The following SLC4A2 variants were observed in gnomAD, a reference collection of about 807,000 sequenced individuals.
The protein encoded by SLC4A2 is anion exchange protein 2.
A neutral mutation model predicts 115.0 loss-of-function variants in SLC4A2; 36 were observed. The observed-to-expected ratio is 0.31, with a 90% CI of 0.24 to 0.41. The LOEUF (loss-of-function observed/expected upper bound fraction) is 0.41, where lower values mean the gene tolerates loss of function less well. Ranked by LOEUF, SLC4A2 falls within the 10% of genes least tolerant of loss-of-function variation. The probability of loss-of-function intolerance (pLI) is 1.00; values close to 1 mark genes in which losing one functional copy is unlikely to be tolerated. For missense variants in SLC4A2, 1,252 were observed against 1,705.6 expected (o/e 0.73, Z 4.68); for synonymous variants, 708 against 708.3 (o/e 1.00, Z 0.01).
intron 2 of SLC4A2, chr7:151,062,640 A>C: frequency 6.6e-7 from 1 of 1,523,424 alleles, no homozygotes; most frequent in East Asian, 2.5e-5. Flanking sequence ...CCTGCCGGCC[A>C]TGGACTTCCT....
rs776392850 is a variant in SLC4A2 at position 151,075,336 on chromosome 7, C to G, written c.3129C>G (p.Gly1043=). Residue 1043 remains glycine, a synonymous_variant, in exon 20 of 23, where the codon GGC becomes GGG. Coordinates refer to ENST00000413384, the MANE Select transcript of SLC4A2 (RefSeq NM_003040.4). ...ACCTGCTGCTCATCGTGGCCATGGG[C>G]GGCATCTGTGCCCTCTTTGGCCTGC... ...HLDLLLIVAM[G]GICALFGLPW... is the part of the protein sequence containing the mutation. 6.2e-7 allele frequency: 1 copy of G among 1,613,194 alleles called. No homozygotes were observed. Among genetic ancestry groups the G allele is most frequent in the Admixed American group, 1.7e-5 (1 of 60,034 alleles).
chr7:151,072,310 T>C (rs1315886845), intron 16 of SLC4A2, among the ~76,000 whole-genome samples, 174 bp downstream of exon 16: 1 of 152,182 alleles, frequency 6.6e-6, no homozygotes, highest in African/African-American at 2.4e-5. Context: ...ATTAATTAAT[T>C]TGAGACATTC....
intron 19 of SLC4A2, 170 bp from the exon 20 acceptor site, chr7:151,075,085 G>A: frequency 9.5e-7 from 1 of 1,057,788 alleles, no homozygotes; most frequent in Non-Finnish European, 1.4e-6. Context: ...GACGATAAGG[G>A]CTGGGGGCCC....
intron 21 of SLC4A2, 88 bp downstream of exon 21, chr7:151,075,863 GC>G: frequency 6.9e-7 from 1 of 1,443,708 alleles, no homozygotes; most frequent in Non-Finnish European, 9.4e-7. Flanking sequence ...CCTCCCATCT[GC>G]CCAGTTCAGC....
chr7:151,065,754 C>T (rs753031945), intron 5 of SLC4A2, among the ~76,000 whole-genome samples: 3 of 152,150 alleles, frequency 2.0e-5, no homozygotes, highest in East Asian at 1.9e-4. Context: ...CTGGGGCTTC[C>T]GAGAAAGCCT....
In SLC4A2 at chr7:151,074,183, C is replaced by G. The variant is rs1308191660; in HGVS notation, c.2680C>G (p.Pro894Ala). The part of the protein sequence containing the change: ...SLAGQSGQGK[P>A]RGQPNTALLS... ...GGCTGGGCAGTCTGGGCAGGGGAAG[C>G]CCCGGGGCCAGCCCAACACGGCCCT... is the stretch of plus-strand genomic sequence containing the variant. The change falls in exon 17 of 23, where the codon CCC (proline) becomes GCC (alanine). Residue 894 changes from proline (P) to alanine (A), a missense_variant. This residue lies in a region of SLC4A2 where 55 missense variants were observed against 48.6 expected (regional missense o/e 1.13). Transcript: ENST00000413384. 6.2e-7 allele frequency: 1 copy of G among 1,612,838 alleles called. No individual in the cohort carries two copies. The highest frequency in any genetic ancestry group is 1.3e-5 in the African/African-American group (1 of 74,946).
Position 151,076,451 on chromosome 7 carries a change from CTTTTT to C in SLC4A2, c.*85_*89del. ...GTTCCCCCTCCCATGCCCCTCCCTC[CTTTTT>C]ATTTAAGTGAATAATTTAAAGTCTT... On this transcript the variant is annotated 3_prime_UTR_variant, in exon 23 of 23. Coordinates refer to ENST00000413384, the MANE Select transcript of SLC4A2 (RefSeq NM_003040.4). 1.8e-6 allele frequency: 2 copies of C among 1,099,138 alleles called. No individual in the cohort carries two copies. Among genetic ancestry groups the C allele is most frequent in the Non-Finnish European group, 2.5e-6 (2 of 795,528 alleles). 68.1% of individuals were successfully genotyped at this position (1,099,138 alleles called of 1,614,324 possible).
intron 1 of SLC4A2, 79 bp from the exon 2 acceptor site, chr7:151,061,846 C>T (rs1388602487): frequency 1.4e-5 from 10 of 698,158 alleles, no homozygotes; most frequent in Non-Finnish European, 1.2e-5. Flanking sequence ...CCAGGAGGAT[C>T]CCCAGCAGCG....
Position 151,064,585 on chromosome 7 carries a change from G to A in SLC4A2, c.277G>A (p.Ala93Thr). Reference protein sequence around the residue: ...HPLSTHLPPDARRRKTPQGPG... With the variant: ...HPLSTHLPPDTRRRKTPQGPG... ...ACTGTCCACCCACCTGCCTCCGGAT[G>A]CACGCCGCCGCAAGACACCCCAGGG... The change falls in exon 4 of 23, where the codon GCA (alanine) becomes ACA (threonine). Residue 93 changes from alanine to threonine, a missense_variant. Physicochemically the swap from Ala to Thr is moderately conservative, Grantham distance 58 (BLOSUM62 0). This residue lies in a region of SLC4A2 where 215 missense variants were observed against 205.2 expected (regional missense o/e 1.05). Transcript: ENST00000413384. 1 of 1,612,758 alleles carries A rather than the reference G, an allele frequency of 6.2e-7. No homozygotes were observed. The highest frequency in any genetic ancestry group is 8.5e-7 in the Non-Finnish European group (1 of 1,179,942).
At position 151,064,591 on chromosome 7, in the gene SLC4A2, C is replaced by T. The variant is rs746176171; in HGVS notation, c.283C>T (p.Arg95Cys). 1.1e-5 allele frequency: 18 copies of T among 1,612,972 alleles called. No homozygotes were observed. The East Asian group carries it at 2.5e-4, about 22-fold the overall frequency. ...CACCCACCTGCCTCCGGATGCACGC[C>T]GCCGCAAGACACCCCAGGGCCCAGG... ...LSTHLPPDAR[R>C]RKTPQGPGRK... Residue 95 changes from arginine (R) to cysteine (C), a missense_variant, in exon 4 of 23, where the codon CGC (arginine) becomes TGC (cysteine). Arg to Cys is a radical substitution (Grantham distance 180). Around this residue, in one of 14 missense-constraint regions of SLC4A2, gnomAD observed 215 missense variants for 205.2 expected, o/e 1.05. Coordinates refer to ENST00000413384, the MANE Select transcript of SLC4A2 (RefSeq NM_003040.4).
intron 2 of SLC4A2, chr7:151,063,138 C>G (rs979139560): frequency 7.9e-6 from 12 of 1,518,598 alleles, no homozygotes; most frequent in Non-Finnish European, 9.7e-6. Flanking sequence ...GCGCCGCATT[C>G]CCTGCCGGCT....
Position 151,074,086 on chromosome 7 carries a change from A to C in SLC4A2, c.2583A>C (p.Ser861=), listed in dbSNP as rs747471390. ...ATGGCTGCTCAGCCTCCAACAGCTC[A>C]GAGGTGGACGGCGGTGAGAACATGA... ...PLHGCSASNS[S]EVDGGENMTW... Residue 861 remains serine, a synonymous_variant, in exon 17 of 23, where the codon TCA becomes TCC. Transcript: ENST00000413384. 8.7e-6 allele frequency: 14 copies of C among 1,606,970 alleles called. No homozygotes were observed. The South Asian group carries it at 1.4e-4, about 16-fold the overall frequency.
At position 151,070,454 on chromosome 7, in the gene SLC4A2, CAGCGTGAGCTG is replaced by C. The variant is rs777065365; in HGVS notation, c.1450-2_1458del. ...TGGGCTGAGCCCTGTCTGTGTCCCC[CAGCGTGAGCTG>C]CCGCCTCCAGCACCACCAGCTGGCA... On this transcript the variant is annotated splice_acceptor_variant and coding_sequence_variant, in exon 11 of 23. Coordinates refer to ENST00000413384, the MANE Select transcript of SLC4A2 (RefSeq NM_003040.4). LOFTEE classifies it high-confidence loss of function. 3 of 1,611,526 alleles carry C rather than the reference CAGCGTGAGCTG, an allele frequency of 1.9e-6. No homozygotes were observed.
At chr7:151,063,174 C>G (rs760327004) in intron 2 of SLC4A2, 29 of 1,478,844 alleles carry the variant, frequency 2.0e-5, no homozygotes, top group Non-Finnish European at 2.5e-5. Flanking sequence ...TGCTCCGCGC[C>G]CGCAGGATGA....
chr7:151,066,696 C>A lies in SLC4A2; in HGVS notation c.758C>A (p.Pro253His), dbSNP rs778995423. The stretch of plus-strand genomic sequence containing the variant: ...ACTGGGGCTGAGCAGGCACTGCTGC[C>A]CCGGGTCCCCACGGATGAGATTGAG... ...SMTGAEQALL[P>H]RVPTDEIEAQ... is the part of the protein sequence containing the mutation. Residue 253 changes from proline to histidine, a missense_variant, in exon 6 of 23, where the codon CCC becomes CAC. This residue lies in a region of SLC4A2 where 42 missense variants were observed against 93.1 expected (regional missense o/e 0.45). Transcript: ENST00000413384. 5.2e-6 allele frequency: 8 copies of A among 1,551,996 alleles called. No homozygotes were observed. In the South Asian group the frequency reaches 8.3e-5, roughly 16 times the overall value.
At chr7:151,063,033 G>A (rs1797105128) in intron 2 of SLC4A2, 15 of 1,466,818 alleles carry the variant, frequency 1.0e-5, no homozygotes, top group Non-Finnish European at 1.3e-5. Flanking sequence ...GCAAATATTT[G>A]GCGGCGCCTG....
chr7:151,068,856 G>T (rs1057463015), intron 8 of SLC4A2, among the ~76,000 whole-genome samples: 15 of 151,596 alleles, frequency 9.9e-5, no homozygotes, highest in Admixed American at 9.2e-4. Flanking sequence ...AAACGAAGCA[G>T]CTGCTGGGCG....
In SLC4A2 at chr7:151,071,563, T is replaced by C; in HGVS notation, c.2149T>C (p.Phe717Leu). 1 of 1,613,988 alleles carries C rather than the reference T, an allele frequency of 6.2e-7. No homozygotes were observed. Among genetic ancestry groups the C allele is most frequent in the East Asian group, 2.2e-5 (1 of 44,874 alleles). ...QCLAAVIFIY[F>L]AALSPAITFG... Reference sequence around the variant, plus strand: ...CCTGGCCGCAGTCATCTTCATCTACTTTGCCGCCCTGTCTCCTGCCATCAC... The same window carrying C: ...CCTGGCCGCAGTCATCTTCATCTACCTTGCCGCCCTGTCTCCTGCCATCAC... Residue 717 changes from phenylalanine to leucine, a missense_variant, in exon 14 of 23, where the codon TTT (phenylalanine) becomes CTT (leucine). Coordinates refer to ENST00000413384, the MANE Select transcript of SLC4A2 (RefSeq NM_003040.4). The surrounding 1 kb of genome is among the most constrained non-coding windows in gnomAD (Gnocchi z 5.5).
intron 7 of SLC4A2, 47 bp from the exon 8 acceptor site, chr7:151,067,827 C>T (rs752665293): frequency 1.3e-6 from 2 of 1,566,248 alleles, no homozygotes; most frequent in South Asian, 2.3e-5. Flanking sequence ...CACCCCAGGG[C>T]TGCCTCCGGC....
Sources: gnomAD v4.1 joint callset for allele counts (sites outside exome capture counted in the v4.1 genomes callset) on GRCh38, gnomAD v4.1.1 for gene constraint, gnomAD v4.1.1 regional missense constraint, Gnocchi (gnomAD v3.1) non-coding constraint, MANE v1.5 for transcripts, NCBI Gene and HGNC (gene_info 2026-07-23, HGNC 2026-07-21) for gene names.